TP53INP2: variants seen among roughly 807,000 people sequenced by gnomAD.
The protein encoded by TP53INP2 is tumor protein p53-inducible nuclear protein 2.
In TP53INP2, 12 loss-of-function variants were observed where a neutral mutation model predicts 17.1. That is an observed-to-expected ratio of 0.70 (90% CI 0.45 to 1.14). The LOEUF is 1.14. Ranked by LOEUF, TP53INP2 falls within the 50% of genes most tolerant of loss-of-function variation. TP53INP2 has a pLI of 0.00. For synonymous variants in TP53INP2, 145 were observed against 147.3 expected (o/e 0.98, Z 0.12); for missense variants, 342 against 330.9 (o/e 1.03, Z -0.26).
intron 2 of TP53INP2, among the ~76,000 whole-genome samples, chr20:34,706,045 A>G (rs1987999622): frequency 6.6e-6 from 1 of 152,076 alleles, no homozygotes; most frequent in Non-Finnish European, 1.5e-5. Flanking sequence ...AACCTATCTG[A>G]AATTTGGGGA....
In TP53INP2 at chr20:34,709,375, C is replaced by A; in HGVS notation, c.264C>A (p.Pro88=). Residue 88 remains proline, a synonymous_variant, in exon 4 of 5, where the codon CCC becomes CCA. Transcript: ENST00000374810. The surrounding 1 kb of genome is among the most constrained non-coding windows in gnomAD (Gnocchi z 5.4). Reference sequence around the variant, plus strand: ...CGGCAGAGGGGCCTGGACTCGGTCCCGCCCGCCTCCAGAGCAGTCCCCTGG... The same window carrying A: ...CGGCAGAGGGGCCTGGACTCGGTCCAGCCCGCCTCCAGAGCAGTCCCCTGG... ...CFTAEGPGLG[P]ARLQSSPLED... is the part of the protein sequence containing the mutation. 1.2e-6 allele frequency: 2 copies of A among 1,613,802 alleles called. No homozygotes were observed.
At position 34,710,332 on chromosome 20, in the gene TP53INP2, C is replaced by T; in HGVS notation, c.*25C>T. On this transcript the variant is annotated 3_prime_UTR_variant, in exon 5 of 5. Coordinates refer to ENST00000374810, the MANE Select transcript of TP53INP2 (RefSeq NM_021202.3). This position sits in a 1 kb window ranked among gnomAD's most constrained non-coding sequence, Gnocchi z 4.9. ...AGCGTCCACCGGCCGCGCCACGAAC[C>T]CCTTGCCGATCCCGATCCCTGTCGG... The T allele has an allele frequency of 1.5e-6, 2 of 1,333,876 alleles. No homozygotes were observed. Among genetic ancestry groups the T allele is most frequent in the Non-Finnish European group, 1.9e-6 (2 of 1,031,784 alleles). The allele number at this position is 1,333,876 out of a possible 1,614,324, so 82.6% of individuals were successfully genotyped here.
intron 1 of TP53INP2, 71 bp from the exon 2 acceptor site, chr20:34,705,287 C>A (rs1987982274): frequency 6.6e-6 from 1 of 152,230 alleles, no homozygotes; most frequent in East Asian, 1.9e-4. Flanking sequence ...CACTGGGGAC[C>A]CGATCTTGGG....
rs1293235907 is a variant in TP53INP2, at chr20:34,711,864, A to G, written c.*1557A>G. ...GAACTTTTAAGACTTCTTGGTACCT[A>G]TGAACATAGGTCCTCCCCTCACCCC... is the stretch of plus-strand genomic sequence containing the variant. On this transcript the variant is annotated 3_prime_UTR_variant, in exon 5 of 5. Coordinates refer to ENST00000374810, the MANE Select transcript of TP53INP2 (RefSeq NM_021202.3). The surrounding 1 kb of genome is among the most constrained non-coding windows in gnomAD (Gnocchi z 4.1). 6.6e-6 allele frequency: 1 copy of G among 152,562 alleles called. No homozygotes were observed. The highest frequency in any genetic ancestry group is 1.5e-5 in the Non-Finnish European group (1 of 68,060). 9.5% of individuals were successfully genotyped at this position (152,562 alleles called of 1,614,324 possible). A position where few individuals can be genotyped will look rare whatever the true frequency, so the allele number is the denominator to read the frequency against.
In TP53INP2 at chr20:34,709,130, GA is replaced by G; in HGVS notation, c.125-105del. 2.8e-6 allele frequency: 4 copies of G among 1,451,418 alleles called. No individual in the cohort carries two copies. The highest frequency in any genetic ancestry group is 3.6e-6 in the Non-Finnish European group (4 of 1,105,660). The allele number at this position is 1,451,418 out of a possible 1,614,324, so 89.9% of individuals were successfully genotyped here. The stretch of plus-strand genomic sequence containing the variant: ...CGGACGGGCTGCGGGTCTGACTAAC[GA>G]TGCCCTTTCTCTCCCCGCCCCCTTG... On this transcript the variant is annotated intron_variant, in intron 3 of 4. Transcript: ENST00000374810. The surrounding 1 kb of genome is among the most constrained non-coding windows in gnomAD (Gnocchi z 5.4).
chr20:34,708,283 A>G (rs1988045717), intron 2 of TP53INP2, among the ~76,000 whole-genome samples: 1 of 152,168 alleles, frequency 6.6e-6, no homozygotes, highest in East Asian at 1.9e-4. Flanking sequence ...AGTTCTAAGC[A>G]CTTTATAAGT....
At position 34,712,196 on chromosome 20, in the gene TP53INP2, G is replaced by A. The variant is rs1235480973; in HGVS notation, c.*1889G>A. 2 of 152,704 alleles carry A rather than the reference G, an allele frequency of 1.3e-5. No homozygotes were observed. The highest frequency in any genetic ancestry group is 3.2e-3 in the Middle Eastern group (1 of 316). The allele number at this position is 152,704 out of a possible 1,614,324, so 9.5% of individuals were successfully genotyped here. The stretch of plus-strand genomic sequence containing the variant: ...CCAAGTTCTCCTTCAGAACCTAGTT[G>A]CTTTTATTCTTCCAGCTACCACTTG... On this transcript the variant is annotated 3_prime_UTR_variant, in exon 5 of 5. Transcript: ENST00000374810.
Position 34,709,454 on chromosome 20 carries a change from A to G in TP53INP2, c.343A>G (p.Ile115Val). The G allele has an allele frequency of 1.2e-6, 2 of 1,613,602 alleles. No homozygotes were observed. The highest frequency in any genetic ancestry group is 1.1e-5 in the South Asian group (1 of 91,074). ...SMSVYVTGST[I>V]VLEPGSPSPL... Reference sequence around the variant, plus strand: ...GTCCGTTTACGTCACCGGCAGCACCATAGTGCTAGAGCCCGGGTCCCCTTC... The same window carrying G: ...GTCCGTTTACGTCACCGGCAGCACCGTAGTGCTAGAGCCCGGGTCCCCTTC... Residue 115 changes from isoleucine to valine, a missense_variant, in exon 4 of 5, where the codon ATA (isoleucine) becomes GTA (valine). Physicochemically the swap from Ile to Val is conservative, Grantham distance 29. Transcript: ENST00000374810. This position sits in a 1 kb window ranked among gnomAD's most constrained non-coding sequence, Gnocchi z 5.4.
chr20:34,704,818 G>C (rs1987970739), intron 1 of TP53INP2: 1 of 152,350 alleles, frequency 6.6e-6, no homozygotes, highest in African/African-American at 2.4e-5. Context: ...AGGGGGATCG[G>C]CGATTTCCTA....
rs1217653686 is a variant in TP53INP2, at chr20:34,709,791, T to A, written c.413+267T>A. On this transcript the variant is annotated intron_variant, in intron 4 of 4. Transcript: ENST00000374810. The surrounding 1 kb of genome is among the most constrained non-coding windows in gnomAD (Gnocchi z 5.4). The stretch of plus-strand genomic sequence containing the variant: ...GCCGGGGTTGGAGGCTTGAGGAGCG[T>A]GGCTGGAGCGCCTAGGGAGTGGGAC... Among the ~76,000 whole-genome samples, 1 of 151,636 alleles carries A rather than the reference T, an allele frequency of 6.6e-6. No homozygotes were observed. Among genetic ancestry groups the A allele is most frequent in the Non-Finnish European group, 1.5e-5 (1 of 67,914 alleles).
chr20:34,704,660 T>C (rs905692079), intron 1 of TP53INP2, 148 bp downstream of exon 1: 1 of 152,216 alleles, frequency 6.6e-6, no homozygotes, highest in African/African-American at 2.4e-5. Context: ...CGGTAGACCA[T>C]GACGTCGTTC....
chr20:34,705,839 G>A (rs530484284), intron 2 of TP53INP2, among the ~76,000 whole-genome samples: 14 of 152,258 alleles, frequency 9.2e-5, no homozygotes, highest in African/African-American at 3.4e-4. Context: ...AAAGGGAATG[G>A]TTCTCCCTGG....
rs968231169 is a variant in TP53INP2, at chr20:34,711,049, C to T, written c.*742C>T. The T allele has an allele frequency of 1.3e-5, 2 of 152,458 alleles. No individual in the cohort carries two copies. The highest frequency in any genetic ancestry group is 2.4e-5 in the African/African-American group (1 of 41,456). 9.4% of individuals were successfully genotyped at this position (152,458 alleles called of 1,614,324 possible). A position where few individuals can be genotyped will look rare whatever the true frequency, so the allele number is the denominator to read the frequency against. ...CGGACAGGACAGACACGTTGAGAAG[C>T]TGCAGGGAGCAGGGCACCAAGGGAG... On this transcript the variant is annotated 3_prime_UTR_variant, in exon 5 of 5. Transcript: ENST00000374810. This position sits in a 1 kb window ranked among gnomAD's most constrained non-coding sequence, Gnocchi z 4.1.
rs1371873860 is a variant in TP53INP2, at chr20:34,707,829, G to C, written c.-49-862G>C. ...TATTATTATTTTGAGACCAAGTTTC[G>C]CTCTGTCACCCAGGCTGGAGTGCAG... On this transcript the variant is annotated intron_variant, in intron 2 of 4. Coordinates refer to ENST00000374810, the MANE Select transcript of TP53INP2 (RefSeq NM_021202.3). Among the ~76,000 whole-genome samples, 20 of 152,120 alleles carry C rather than the reference G, an allele frequency of 1.3e-4. 1 individual carries two copies. The highest frequency in any genetic ancestry group is 1.3e-3 in the Admixed American group (20 of 15,278).
chr20:34,710,176 C>A lies in TP53INP2; in HGVS notation c.532C>A (p.Arg178=). The part of the protein sequence containing the change: ...QVRRLQRARQ[R]AERHALSAKA... ...GCGGCGGCTGCAGCGGGCCCGGCAG[C>A]GGGCAGAGCGCCACGCGCTGAGCGC... The change falls in exon 5 of 5, where the codon CGG becomes AGG. Residue 178 remains arginine, a synonymous_variant. Coordinates refer to ENST00000374810, the MANE Select transcript of TP53INP2 (RefSeq NM_021202.3). This position sits in a 1 kb window ranked among gnomAD's most constrained non-coding sequence, Gnocchi z 4.9. 1 of 1,342,698 alleles carries A rather than the reference C, an allele frequency of 7.4e-7. No individual in the cohort carries two copies. Among genetic ancestry groups the A allele is most frequent in the Non-Finnish European group, 9.6e-7 (1 of 1,038,414 alleles). 83.2% of individuals were successfully genotyped at this position (1,342,698 alleles called of 1,614,324 possible).
intron 1 of TP53INP2, among the ~76,000 whole-genome samples, chr20:34,705,103 A>G (rs145142719): frequency 5.4e-4 from 82 of 152,298 alleles, no homozygotes; most frequent in African/African-American, 1.9e-3. Flanking sequence ...CCCAAAATGA[A>G]GGGTCTTAGA....
chr20:34,711,190 CTTAG>C lies in TP53INP2; in HGVS notation c.*889_*892del, dbSNP rs1988184280. ...TCTGCAGGCCCTGAAATCTGAAGGGCTTAGTTAGTACCTTGCCACTCTACCCCCA... is the reference window on the plus strand; with the variant it reads ...TCTGCAGGCCCTGAAATCTGAAGGGCTTAGTACCTTGCCACTCTACCCCCA... On this transcript the variant is annotated 3_prime_UTR_variant, in exon 5 of 5. Coordinates refer to ENST00000374810, the MANE Select transcript of TP53INP2 (RefSeq NM_021202.3). This position sits in a 1 kb window ranked among gnomAD's most constrained non-coding sequence, Gnocchi z 4.1. 6.6e-6 allele frequency: 1 copy of C among 152,650 alleles called. No homozygotes were observed. Among genetic ancestry groups the C allele is most frequent in the Admixed American group, 6.5e-5 (1 of 15,276 alleles). The allele number at this position is 152,650 out of a possible 1,614,324, so 9.5% of individuals were successfully genotyped here.
Position 34,709,649 on chromosome 20 carries a change from G to A in TP53INP2, c.413+125G>A, listed in dbSNP as rs1988115955. The A allele has an allele frequency of 4.2e-6, 6 of 1,439,518 alleles. No individual in the cohort carries two copies. The African/African-American group carries it at 7.2e-5, about 17-fold the overall frequency. The allele number at this position is 1,439,518 out of a possible 1,614,324, so 89.2% of individuals were successfully genotyped here. A position where few individuals can be genotyped will look rare whatever the true frequency, so the allele number is the denominator to read the frequency against. On this transcript the variant is annotated intron_variant, in intron 4 of 4. Coordinates refer to ENST00000374810, the MANE Select transcript of TP53INP2 (RefSeq NM_021202.3). This position sits in a 1 kb window ranked among gnomAD's most constrained non-coding sequence, Gnocchi z 5.4. ...CCGCGCTCGAGGGGGTAGCGGCCTTGGGAGGGTTGCCTTTGAGACAAAGTG... is the reference window on the plus strand; with the variant it reads ...CCGCGCTCGAGGGGGTAGCGGCCTTAGGAGGGTTGCCTTTGAGACAAAGTG...
At chr20:34,708,924 G>A (rs1053461984) in intron 3 of TP53INP2, 61 bp downstream of exon 3, 10 of 1,581,932 alleles carry the variant, frequency 6.3e-6, no homozygotes, top group Admixed American at 1.7e-5. Context: ...TGGCCTAGCA[G>A]CGGAGGGGAA....
Sources: allele counts gnomAD v4.1 joint callset (sites outside exome capture counted in the v4.1 genomes callset), GRCh38; gene constraint gnomAD v4.1.1; non-coding constraint Gnocchi (gnomAD v3.1); transcripts MANE v1.5; gene names NCBI Gene and HGNC (gene_info 2026-07-23, HGNC 2026-07-21).